Variants in C2CD3 observed in about 807,000 individuals in gnomAD.
C2CD3 encodes C2 domain-containing protein 3.
Under a neutral mutation model 234.0 loss-of-function variants are expected in C2CD3, and 148 were observed. That is an observed-to-expected ratio of 0.63 (90% CI 0.55 to 0.72). The LOEUF (loss-of-function observed/expected upper bound fraction) is 0.72, where lower values mean the gene tolerates loss of function less well. Among genes scored for constraint, C2CD3 ranks in the 30% least tolerant of loss-of-function variants. The probability of loss-of-function intolerance (pLI) is 0.00; values close to 1 mark genes in which losing one functional copy is unlikely to be tolerated. For missense variants in C2CD3, 2,577 were observed against 2,811.5 expected (o/e 0.92, Z 1.89); for synonymous variants, 1,000 against 1,035.4 (o/e 0.97, Z 0.66).
At chr11:74,152,139 A>C (rs1855707475) in intron 3 of C2CD3, among the ~76,000 whole-genome samples, 1 of 152,194 alleles carries the variant, frequency 6.6e-6, no homozygotes, top group South Asian at 2.1e-4. Context: ...AAGATTAATA[A>C]AATTGTTAAA....
rs566260287 is a variant in C2CD3, at chr11:74,097,459, C to T, written c.2979+550G>A. On this transcript the variant is annotated intron_variant, in intron 16 of 32. Coordinates refer to ENST00000334126, the MANE Select transcript of C2CD3 (RefSeq NM_001286577.2). ...TCTCTCATTCCTAGTTATGTGACCC[C>T]GGACAAGTAACCTAACCTCTTTGAT... 1.6e-4 allele frequency among the ~76,000 whole-genome samples: 25 copies of T among 152,230 alleles called. No homozygotes were observed. The South Asian group carries it at 4.6e-3, about 28-fold the overall frequency.
rs765938388 is a variant in C2CD3 at position 74,114,544 on chromosome 11, T to C, written c.1570A>G (p.Thr524Ala). ...AGTCTATCCACACTTAGTGTCATCG[T>C]TTGGGCATCTTCTGGAGTTTCTGAG... ...MLSETPEDAQTMTLSVDRLAL... is the reference protein window; with the variant it reads ...MLSETPEDAQAMTLSVDRLAL... The change falls in exon 10 of 33, where the codon ACG becomes GCG. Residue 524 changes from threonine (T) to alanine (A), a missense_variant. Physicochemically the swap from Thr to Ala is moderately conservative, Grantham distance 58 (BLOSUM62 0). Transcript: ENST00000334126. The C allele has an allele frequency of 6.2e-7, 1 of 1,614,026 alleles. No individual in the cohort carries two copies. Among genetic ancestry groups the C allele is most frequent in the South Asian group, 1.1e-5 (1 of 91,086 alleles).
intron 20 of C2CD3, among the ~76,000 whole-genome samples, chr11:74,087,426 G>T (rs1297490312): frequency 6.6e-6 from 1 of 152,008 alleles, no homozygotes; most frequent in Non-Finnish European, 1.5e-5. Flanking sequence ...TTAGCCGGGC[G>T]TGGTGGCGGG....
chr11:74,028,273 G>A lies in C2CD3; in HGVS notation c.6921+14C>T, dbSNP rs1360569923. On this transcript the variant is annotated intron_variant, in intron 32 of 32. Coordinates refer to ENST00000334126, the MANE Select transcript of C2CD3 (RefSeq NM_001286577.2). ...TGACTCTATAGAAGAAAGGTCAGTT[G>A]GCCATTCTCTTACCTGATCTGTTGT... 1 of 1,505,188 alleles carries A rather than the reference G, an allele frequency of 6.6e-7. No individual in the cohort carries two copies. Among genetic ancestry groups the A allele is most frequent in the Non-Finnish European group, 8.9e-7 (1 of 1,119,082 alleles). The allele number at this position is 1,505,188 out of a possible 1,614,324, so 93.2% of individuals were successfully genotyped here. A position where few individuals can be genotyped will look rare whatever the true frequency, so the allele number is the denominator to read the frequency against.
rs542975784 is a variant in C2CD3 at position 74,047,452 on chromosome 11, AT to A, written c.5495+752del. 2.0e-4 allele frequency among the ~76,000 whole-genome samples: 31 copies of A among 152,332 alleles called. 1 individual carries two copies. The East Asian group carries it at 5.8e-3, about 28-fold the overall frequency. On this transcript the variant is annotated intron_variant, in intron 28 of 32. Transcript: ENST00000334126. The stretch of plus-strand genomic sequence containing the variant: ...ACAAAGGAATTATCTAAAATCTGGG[AT>A]CTAGGAATTGACAGATACATAGCTC...
At chr11:74,145,808 T>C (rs950118216) in intron 3 of C2CD3, among the ~76,000 whole-genome samples, 3 of 152,164 alleles carry the variant, frequency 2.0e-5, no homozygotes, top group African/African-American at 7.2e-5. Flanking sequence ...AGGAAGTCCT[T>C]TCCCCCAAAT....
intron 24 of C2CD3, among the ~76,000 whole-genome samples, chr11:74,058,088 G>T (rs1336032299): frequency 1.3e-5 from 2 of 152,184 alleles, no homozygotes; most frequent in East Asian, 3.8e-4. Context: ...TTTGTGGGAA[G>T]ATGGAAAATA....
chr11:74,122,085 T>G (rs987458622), intron 8 of C2CD3, among the ~76,000 whole-genome samples: 4 of 152,248 alleles, frequency 2.6e-5, no homozygotes, highest in Non-Finnish European at 5.9e-5. Context: ...TTTCACAGAT[T>G]GGCTGCAATG....
rs1465975344 is a variant in C2CD3, at chr11:74,078,255, T to G, written c.4463A>C (p.Glu1488Ala). 7 of 1,614,150 alleles carry G rather than the reference T, an allele frequency of 4.3e-6. No individual in the cohort carries two copies. The highest frequency in any genetic ancestry group is 5.9e-6 in the Non-Finnish European group (7 of 1,180,028). ...GPSLLWYFRE[E>A]RLEIQVWRAY... ...TCGCCACACTTGGATCTCTAGCCTC[T>G]CCTCCCTGAAGTACCAAAGCAGTGA... Residue 1488 changes from glutamate (E) to alanine (A), a missense_variant, in exon 23 of 33, where the codon GAG (glutamate) becomes GCG (alanine). Coordinates refer to ENST00000334126, the MANE Select transcript of C2CD3 (RefSeq NM_001286577.2).
intron 32 of C2CD3, among the ~76,000 whole-genome samples, chr11:74,027,196 T>G (rs1042322170): frequency 6.6e-6 from 1 of 152,128 alleles, no homozygotes; most frequent in African/African-American, 2.4e-5. Context: ...AACCTCCACC[T>G]CCTGGGCTCA....
At chr11:74,109,208 C>T in intron 11 of C2CD3, 56 bp from the exon 12 acceptor site, 1 of 847,390 alleles carries the variant, frequency 1.2e-6, no homozygotes, top group Non-Finnish European at 1.9e-6. Flanking sequence ...AAGTCATCAT[C>T]AATTCATGCC....
intron 24 of C2CD3, among the ~76,000 whole-genome samples, chr11:74,069,749 G>GCT (rs1954710418): frequency 1.3e-5 from 2 of 152,252 alleles, no homozygotes; most frequent in South Asian, 4.1e-4. Context: ...TAAGAGAAGT[G>GCT]CTCTCCCTTT....
intron 7 of C2CD3, 134 bp from the exon 8 acceptor site, chr11:74,123,269 AGAC>A: frequency 1.6e-6 from 1 of 639,712 alleles, no homozygotes; most frequent in Non-Finnish European, 2.7e-6. Flanking sequence ...ATTAAACAAA[AGAC>A]TACTGAATAA....
intron 26 of C2CD3, among the ~76,000 whole-genome samples, chr11:74,053,902 A>G (rs1399400944): frequency 6.7e-6 from 1 of 150,116 alleles, no homozygotes; most frequent in Non-Finnish European, 1.5e-5. Context: ...AGATTGCGGC[A>G]GGAGATTGCT....
chr11:74,168,715 G>A, intron 1 of C2CD3, 102 bp from the exon 2 acceptor site: 1 of 1,074,806 alleles, frequency 9.3e-7, no homozygotes, highest in Non-Finnish European at 1.3e-6. Flanking sequence ...TTAGTCTTAA[G>A]TTCAGCAATT....
chr11:74,120,958 A>AC (rs1957190127), intron 8 of C2CD3, among the ~76,000 whole-genome samples: 1 of 151,436 alleles, frequency 6.6e-6, no homozygotes. Context: ...GGAGTTTGAG[A>AC]CCAACTTGGA....
At chr11:74,123,597 A>C (rs1354727230) in intron 7 of C2CD3, among the ~76,000 whole-genome samples, 1 of 152,190 alleles carries the variant, frequency 6.6e-6, no homozygotes. Flanking sequence ...AATTATGGTG[A>C]TATTAGTTCT....
intron 32 of C2CD3, chr11:74,016,678 C>T (rs1951890610): frequency 1.3e-5 from 2 of 152,342 alleles, no homozygotes; most frequent in South Asian, 4.1e-4. Context: ...CTTCCTTCAT[C>T]AGGACTGCTA....
At chr11:74,159,382 G>A (rs140422697) in intron 3 of C2CD3, among the ~76,000 whole-genome samples, 1,827 of 152,242 alleles carry the variant, frequency 0.012, 37 homozygotes, top group African/African-American at 0.042. Context: ...AGAAGGCACT[G>A]TTATCATAGG....
Sources: gnomAD v4.1 joint callset for allele counts (sites outside exome capture counted in the v4.1 genomes callset) on GRCh38, gnomAD v4.1.1 for gene constraint, MANE v1.5 for transcripts, NCBI Gene and HGNC (gene_info 2026-07-23, HGNC 2026-07-21) for gene names.